The following PARD3B variants were observed in gnomAD, a reference collection of about 807,000 sequenced individuals.
PARD3B encodes the protein par-3 family cell polarity regulator beta.
In PARD3B, 103 loss-of-function variants were observed where a neutral mutation model predicts 130.2. The observed-to-expected ratio is 0.79, with a 90% CI of 0.67 to 0.93. The LOEUF (loss-of-function observed/expected upper bound fraction) is 0.93. Ranked by LOEUF, PARD3B falls within the 40% of genes least tolerant of loss-of-function variation. The pLI, the probability that PARD3B is intolerant of heterozygous loss-of-function variation, is 0.00. For synonymous variants in PARD3B, 583 were observed against 553.2 expected (o/e 1.05, Z -0.76); for missense variants, 1,609 against 1,499.2 (o/e 1.07, Z -1.21).
chr2:205,101,428 G>T (rs1382557298), intron 4 of PARD3B, among the ~76,000 whole-genome samples: 1 of 152,188 alleles, frequency 6.6e-6, no homozygotes, highest in Non-Finnish European at 1.5e-5. Context: ...CTCATGTATT[G>T]CTGGTAAGAA....
intron 1 of PARD3B, among the ~76,000 whole-genome samples, chr2:204,612,712 A>G (rs575903146): frequency 6.6e-6 from 1 of 152,278 alleles, no homozygotes; most frequent in Admixed American, 6.5e-5. Flanking sequence ...CATGTATTAC[A>G]AGGTTTTTAA....
In PARD3B at chr2:205,592,891, C is replaced by G. The variant is rs1264585183; in HGVS notation, c.3261-22565C>G. On this transcript the variant is annotated intron_variant, in intron 22 of 22. Coordinates refer to ENST00000406610, the MANE Select transcript of PARD3B (RefSeq NM_001302769.2). The surrounding 1 kb of genome is among the most constrained non-coding windows in gnomAD (Gnocchi z 4.5). The stretch of plus-strand genomic sequence containing the variant: ...CCCTTGTCAGAAGCCACACCTGCAG[C>G]AGATGCCCCATGGCACTGACTCAGC... Among the ~76,000 whole-genome samples, 1 of 152,272 alleles carries G rather than the reference C, an allele frequency of 6.6e-6. No homozygotes were observed. The highest frequency in any genetic ancestry group is 2.4e-5 in the African/African-American group (1 of 41,476).
intron 21 of PARD3B, among the ~76,000 whole-genome samples, chr2:205,518,213 A>G (rs2050876385): frequency 6.6e-6 from 1 of 152,132 alleles, no homozygotes; most frequent in Non-Finnish European, 1.5e-5. Flanking sequence ...GTGGGAGTCT[A>G]TGTGTCTTTG....
At chr2:204,820,365 C>A (rs1033719987) in intron 2 of PARD3B, among the ~76,000 whole-genome samples, 10 of 151,874 alleles carry the variant, frequency 6.6e-5, no homozygotes, top group African/African-American at 9.7e-5. Context: ...GCGTGAGCCA[C>A]CATGCCCATC....
intron 18 of PARD3B, among the ~76,000 whole-genome samples, chr2:205,384,354 G>C (rs972430834): frequency 6.6e-6 from 1 of 152,118 alleles, no homozygotes; most frequent in African/African-American, 2.4e-5. Context: ...CAGAGAAAAA[G>C]GGGAAGCACA....
intron 18 of PARD3B, among the ~76,000 whole-genome samples, chr2:205,336,700 T>C (rs2043325224): frequency 1.3e-5 from 2 of 152,182 alleles, no homozygotes; most frequent in Non-Finnish European, 2.9e-5. Context: ...GTTTATTTTC[T>C]AATGGAAAAG....
chr2:205,081,038 A>G lies in PARD3B; in HGVS notation c.505-23388A>G, dbSNP rs187898752. Reference sequence around the variant, plus strand: ...ATATATTCTCTGTTACAACCCTTTTATCAAAAACATGGGTTGTGGGTATCT... The same window carrying G: ...ATATATTCTCTGTTACAACCCTTTTGTCAAAAACATGGGTTGTGGGTATCT... On this transcript the variant is annotated intron_variant, in intron 4 of 22. Transcript: ENST00000406610. Among the ~76,000 whole-genome samples, 8 of 152,058 alleles carry G rather than the reference A, an allele frequency of 5.3e-5. No individual in the cohort carries two copies. In the East Asian group the frequency reaches 1.5e-3, roughly 29 times the overall value.
chr2:204,919,916 CCAGA>C lies in PARD3B; in HGVS notation c.223-45232_223-45229del, dbSNP rs528859836. Among the ~76,000 whole-genome samples the C allele has an allele frequency of 5.1e-3, 773 of 151,974 alleles. 9 individuals carry two copies. The highest frequency in any genetic ancestry group is 0.017 in the African/African-American group (695 of 41,502). ...TCCGAGTTCTCTTTAGCTGTCTGTT[CCAGA>C]CAGTCACTTTTTTTTTTTCTAAAAG... On this transcript the variant is annotated intron_variant, in intron 2 of 22. Coordinates refer to ENST00000406610, the MANE Select transcript of PARD3B (RefSeq NM_001302769.2).
intron 4 of PARD3B, among the ~76,000 whole-genome samples, chr2:205,098,847 G>A (rs1263309390): frequency 1.3e-5 from 2 of 152,152 alleles, no homozygotes; most frequent in Non-Finnish European, 2.9e-5. Context: ...AATTATAGAA[G>A]TGTTGATTTT....
At chr2:205,600,596 A>G (rs2054745926) in intron 22 of PARD3B, among the ~76,000 whole-genome samples, 1 of 152,148 alleles carries the variant, frequency 6.6e-6, no homozygotes, top group African/African-American at 2.4e-5. Flanking sequence ...GTGCCTATCA[A>G]CCCATCACCT....
intron 18 of PARD3B, among the ~76,000 whole-genome samples, chr2:205,378,091 T>A (rs113307907): frequency 3.9e-5 from 6 of 152,034 alleles, no homozygotes; most frequent in African/African-American, 9.6e-5. Context: ...ACTTTTAGGG[T>A]TAAAATATGT....
intron 22 of PARD3B, among the ~76,000 whole-genome samples, chr2:205,583,377 C>CTGTGTG (rs139162850): frequency 0.17 from 26,049 of 150,250 alleles, 2,483 homozygotes; most frequent in East Asian, 0.33. Flanking sequence ...CTCCTAAGCT[C>CTGTGTG]TGTGTGTGTG....
At chr2:205,504,730 T>C (rs2050285313) in intron 21 of PARD3B, among the ~76,000 whole-genome samples, 1 of 152,104 alleles carries the variant, frequency 6.6e-6, no homozygotes, top group Non-Finnish European at 1.5e-5. Flanking sequence ...CATTAAAAAG[T>C]CAGGAAACAA....
intron 2 of PARD3B, among the ~76,000 whole-genome samples, chr2:204,787,440 G>A (rs925745907): frequency 4.6e-5 from 7 of 152,020 alleles, no homozygotes; most frequent in Non-Finnish European, 7.3e-5. Context: ...GAAATATATA[G>A]TCTCAGCACC....
At chr2:205,260,930 A>G (rs1217401728) in intron 16 of PARD3B, among the ~76,000 whole-genome samples, 2 of 152,126 alleles carry the variant, frequency 1.3e-5, no homozygotes, top group Admixed American at 1.3e-4. Flanking sequence ...AGATCCTCCA[A>G]GATACCACCA....
At chr2:204,758,641 G>C (rs2040775239) in intron 2 of PARD3B, among the ~76,000 whole-genome samples, 1 of 152,182 alleles carries the variant, frequency 6.6e-6, no homozygotes, top group African/African-American at 2.4e-5. Context: ...CTCTTTGGCA[G>C]ATTTCTAAAG....
chr2:205,047,090 G>T (rs1440093913), intron 3 of PARD3B, among the ~76,000 whole-genome samples: 1 of 152,098 alleles, frequency 6.6e-6, no homozygotes, highest in Non-Finnish European at 1.5e-5. Flanking sequence ...ACTTAAATAG[G>T]CATTAATGTT....
intron 15 of PARD3B, among the ~76,000 whole-genome samples, chr2:205,212,319 G>A (rs900694337): frequency 6.6e-6 from 1 of 152,072 alleles, no homozygotes; most frequent in African/African-American, 2.4e-5. Context: ...TGCATGTTTT[G>A]TACGTTTCCA....
intron 18 of PARD3B, among the ~76,000 whole-genome samples, chr2:205,329,353 A>T (rs1285064949): frequency 6.6e-6 from 1 of 152,180 alleles, no homozygotes; most frequent in South Asian, 2.1e-4. Flanking sequence ...TTCAAGAGAG[A>T]ACAGTTTTGG....
Sources: gnomAD v4.1 joint callset for allele counts (sites outside exome capture counted in the v4.1 genomes callset) on GRCh38, gnomAD v4.1.1 for gene constraint, Gnocchi (gnomAD v3.1) non-coding constraint, MANE v1.5 for transcripts, NCBI Gene and HGNC (gene_info 2026-07-23, HGNC 2026-07-21) for gene names.